Variants in GPC6 observed in about 807,000 individuals in gnomAD.
The protein encoded by GPC6 is glypican 6, also known as glypican-6.
A neutral mutation model predicts 55.2 loss-of-function variants in GPC6; 14 were observed. The observed-to-expected ratio is 0.25, with a 90% CI of 0.17 to 0.40. The LOEUF (loss-of-function observed/expected upper bound fraction) is 0.40. GPC6 is among the 10% of genes least tolerant of loss of function. The probability of loss-of-function intolerance (pLI) is 1.00; values close to 1 mark genes in which losing one functional copy is unlikely to be tolerated. For synonymous variants in GPC6, 278 were observed against 259.6 expected (o/e 1.07, Z -0.68); for missense variants, 641 against 708.5 (o/e 0.90, Z 1.08).
intron 4 of GPC6, among the ~76,000 whole-genome samples, chr13:94,271,916 A>G (rs1892040028): frequency 6.6e-6 from 1 of 152,232 alleles, no homozygotes; most frequent in Non-Finnish European, 1.5e-5. Context: ...CAGAGATGAG[A>G]TGAAGTCATT....
chr13:93,551,872 C>T (rs1394407867), intron 2 of GPC6, among the ~76,000 whole-genome samples: 3 of 152,104 alleles, frequency 2.0e-5, no homozygotes, highest in Non-Finnish European at 4.4e-5. Context: ...CTCACTACCC[C>T]CAATATCCTA....
intron 1 of GPC6, among the ~76,000 whole-genome samples, chr13:93,427,163 G>A (rs1433182890): frequency 8.6e-5 from 13 of 151,752 alleles, no homozygotes; most frequent in African/African-American, 3.1e-4. Context: ...AGTAGGTTGC[G>A]AAAATTTTCT....
In GPC6 at chr13:93,761,985, C is replaced by T. The variant is rs184173217; in HGVS notation, c.320-68169C>T. Among the ~76,000 whole-genome samples the T allele has an allele frequency of 6.1e-3, 925 of 152,256 alleles. 6 individuals are homozygous for T. Among genetic ancestry groups the T allele is most frequent in the Middle Eastern group, 0.02 (6 of 294 alleles). Reference sequence around the variant, plus strand: ...CATTCCTCCCATCTAACTAAAACTTCGTACATTTTCACCAGTGTCTTTCCT... The same window carrying T: ...CATTCCTCCCATCTAACTAAAACTTTGTACATTTTCACCAGTGTCTTTCCT... On this transcript the variant is annotated intron_variant, in intron 2 of 8. Transcript: ENST00000377047.
intron 4 of GPC6, among the ~76,000 whole-genome samples, chr13:94,200,489 A>G (rs548758687): frequency 1.5e-4 from 23 of 152,332 alleles, no homozygotes; most frequent in African/African-American, 4.8e-4. Flanking sequence ...TGCATATTAT[A>G]GAGGAGACTG....
At chr13:94,209,496 G>C (rs1384874738) in intron 4 of GPC6, among the ~76,000 whole-genome samples, 1 of 152,184 alleles carries the variant, frequency 6.6e-6, no homozygotes, top group African/African-American at 2.4e-5. Context: ...TCTGCAACCA[G>C]AGTACACTTT....
rs775978128 is a variant in GPC6, at chr13:93,545,879, T to A, written c.319+458T>A. On this transcript the variant is annotated intron_variant, in intron 2 of 8. Transcript: ENST00000377047. ...TTTATTTTAGACTTTGCCATTGCAA[T>A]CATATAGCACATTTTACATTGCAGT... 2.6e-4 allele frequency among the ~76,000 whole-genome samples: 40 copies of A among 152,356 alleles called. 1 individual carries two copies. The Middle Eastern group carries it at 0.02, about 78-fold the overall frequency.
At chr13:93,228,858 G>A (rs779775131) in intron 1 of GPC6, among the ~76,000 whole-genome samples, 2 of 152,134 alleles carry the variant, frequency 1.3e-5, no homozygotes, top group Non-Finnish European at 2.9e-5. Context: ...GTTTCGATAC[G>A]TTGAGGAATT....
At chr13:93,997,116 G>A (rs887896657) in intron 3 of GPC6, among the ~76,000 whole-genome samples, 3 of 152,096 alleles carry the variant, frequency 2.0e-5, no homozygotes, top group African/African-American at 4.8e-5. Flanking sequence ...GAACTTCTCC[G>A]TGTTTCCTCT....
intron 4 of GPC6, among the ~76,000 whole-genome samples, chr13:94,093,711 A>T (rs1885571242): frequency 6.6e-6 from 1 of 152,048 alleles, no homozygotes; most frequent in Non-Finnish European, 1.5e-5. Context: ...ATTGTAACAT[A>T]TATTTTTAAT....
At chr13:93,829,167 G>C (rs565901333) in intron 2 of GPC6, among the ~76,000 whole-genome samples, 3 of 151,178 alleles carry the variant, frequency 2.0e-5, no homozygotes, top group Admixed American at 6.6e-5. Context: ...AACCTCAGAA[G>C]CATTATCTTT....
At chr13:93,380,941 T>G (rs761870946) in intron 1 of GPC6, among the ~76,000 whole-genome samples, 1 of 152,158 alleles carries the variant, frequency 6.6e-6, no homozygotes. Flanking sequence ...TAACTCCAGA[T>G]AGTTGCCTAA....
chr13:93,603,016 T>G (rs1878086960), intron 2 of GPC6, among the ~76,000 whole-genome samples: 1 of 81,720 alleles, frequency 1.2e-5, no homozygotes, highest in South Asian at 3.6e-4. Flanking sequence ...CTTTCTTTCT[T>G]TTTTTGTTTT....
intron 4 of GPC6, among the ~76,000 whole-genome samples, chr13:94,231,042 C>A (rs1890709624): frequency 6.6e-6 from 1 of 152,144 alleles, no homozygotes; most frequent in Non-Finnish European, 1.5e-5. Context: ...GTACAGAAGC[C>A]TAGCTGTGTC....
intron 3 of GPC6, among the ~76,000 whole-genome samples, chr13:93,975,012 A>G (rs1880452938): frequency 6.6e-6 from 1 of 152,120 alleles, no homozygotes; most frequent in African/African-American, 2.4e-5. Flanking sequence ...CTACAATGCT[A>G]GTGATTCCCA....
chr13:93,870,780 T>A (rs1889108863), intron 3 of GPC6, among the ~76,000 whole-genome samples: 1 of 151,706 alleles, frequency 6.6e-6, no homozygotes, highest in Admixed American at 6.6e-5. Flanking sequence ...GGCCTCAAAA[T>A]AAAACAAGGT....
chr13:94,316,712 G>A (rs1275088570), intron 6 of GPC6, among the ~76,000 whole-genome samples: 19 of 112,846 alleles, frequency 1.7e-4, no homozygotes, highest in Admixed American at 2.6e-4. Context: ...GCGAGACTCC[G>A]TCTCAAAAAA....
At chr13:94,044,896 CCTT>C (rs1883671575) in intron 4 of GPC6, among the ~76,000 whole-genome samples, 1 of 151,724 alleles carries the variant, frequency 6.6e-6, no homozygotes, top group Admixed American at 6.6e-5. Context: ...CAAATTAACA[CCTT>C]TTTTTAACGT....
chr13:94,402,724 G>A (rs1881195240), intron 8 of GPC6, among the ~76,000 whole-genome samples: 1 of 152,180 alleles, frequency 6.6e-6, no homozygotes, highest in Non-Finnish European at 1.5e-5. Context: ...TTACAATCAT[G>A]GTGGAAGGCG....
chr13:93,319,148 A>G (rs1462998988), intron 1 of GPC6, among the ~76,000 whole-genome samples: 1 of 152,180 alleles, frequency 6.6e-6, no homozygotes, highest in Non-Finnish European at 1.5e-5. Flanking sequence ...AACTGGCTCC[A>G]GAGGAAAGAG....
Sources: allele counts gnomAD v4.1 joint callset (sites outside exome capture counted in the v4.1 genomes callset), GRCh38; gene constraint gnomAD v4.1.1; transcripts MANE v1.5; gene names NCBI Gene and HGNC (gene_info 2026-07-23, HGNC 2026-07-21).